KAT6A: variants seen among roughly 807,000 people sequenced by gnomAD.
KAT6A encodes the protein lysine acetyltransferase 6A, also known as histone acetyltransferase KAT6A.
In KAT6A, 9 loss-of-function variants were observed where a neutral mutation model predicts 198.4. That is an observed-to-expected ratio of 0.05 (90% CI 0.03 to 0.08). The LOEUF (loss-of-function observed/expected upper bound fraction) is 0.08. KAT6A is among the 10% of genes least tolerant of loss of function. The probability of loss-of-function intolerance (pLI) is 1.00; values close to 1 mark genes in which losing one functional copy is unlikely to be tolerated. For missense variants in KAT6A, 2,077 were observed against 2,509.9 expected, an observed-to-expected ratio of 0.83 and a Z score of 3.69; for synonymous variants, 890 against 883.0, an observed-to-expected ratio of 1.01 and a Z score of -0.14.
At chr8:42,017,936 T>C (rs1826352811) in intron 2 of KAT6A, among the ~76,000 whole-genome samples, 1 of 152,196 alleles carries the variant, frequency 6.6e-6, no homozygotes, top group African/African-American at 2.4e-5. Context: ...TCACCACTTA[T>C]TTATTGAATG....
intron 2 of KAT6A, among the ~76,000 whole-genome samples, chr8:42,008,636 C>T (rs1825861690): frequency 6.6e-6 from 1 of 152,070 alleles, no homozygotes; most frequent in South Asian, 2.1e-4. Flanking sequence ...TGAGACACTG[C>T]GCCTGGCCCC....
chr8:42,026,831 T>C (rs774160013), intron 2 of KAT6A, among the ~76,000 whole-genome samples: 2 of 152,200 alleles, frequency 1.3e-5, no homozygotes, highest in Admixed American at 6.5e-5. Context: ...GTGGGTAACC[T>C]TGCCTTATTC....
chr8:41,949,182 T>C (rs1385271664), intron 10 of KAT6A, 40 bp downstream of exon 10: 1 of 1,401,236 alleles, frequency 7.1e-7, no homozygotes, highest in Non-Finnish European at 9.4e-7. Flanking sequence ...GCCCTACTTA[T>C]GAAATGGATG....
intron 3 of KAT6A, among the ~76,000 whole-genome samples, chr8:41,984,134 T>C (rs1564041624): frequency 6.6e-6 from 1 of 152,246 alleles, no homozygotes; most frequent in African/African-American, 2.4e-5. Flanking sequence ...TCTTTGGCTA[T>C]TGTGACAGCC....
intron 15 of KAT6A, among the ~76,000 whole-genome samples, chr8:41,938,869 T>TCCCAGGAGGTGGAG (rs1821969044): frequency 6.8e-6 from 1 of 147,152 alleles, no homozygotes; most frequent in Admixed American, 7.0e-5. Flanking sequence ...GTTGCTTGCA[T>TCCCAGGAGGTGGAG]CCCAGGAGGT....
In KAT6A at chr8:41,941,152, T is replaced by C; in HGVS notation, c.2729A>G (p.Gln910Arg). The change falls in exon 15 of 17, where the codon CAG (glutamine) becomes CGG (arginine). Residue 910 changes from glutamine to arginine, a missense_variant. Around this residue, in one of 13 missense-constraint regions of KAT6A, gnomAD observed 301 missense variants for 272.2 expected, o/e 1.11. Coordinates refer to ENST00000265713, the MANE Select transcript of KAT6A (RefSeq NM_006766.5). Reference sequence around the variant, plus strand: ...TTCTTCACTTTCAGTGTATTGTTCCTGGGTGGCTTCTGATTTCTCCCCACA... The same window carrying C: ...TTCTTCACTTTCAGTGTATTGTTCCCGGGTGGCTTCTGATTTCTCCCCACA... The part of the protein sequence containing the change: ...GECGEKSEAT[Q>R]EQYTESEEQL... 2.5e-6 allele frequency: 4 copies of C among 1,614,256 alleles called. No homozygotes were observed. Among genetic ancestry groups the C allele is most frequent in the Non-Finnish European group, 3.4e-6 (4 of 1,180,054 alleles).
At chr8:41,982,892 T>C (rs1824428560) in intron 3 of KAT6A, among the ~76,000 whole-genome samples, 1 of 152,170 alleles carries the variant, frequency 6.6e-6, no homozygotes, top group African/African-American at 2.4e-5. Context: ...GGGAAAAACA[T>C]AGCACCATAT....
chr8:42,040,481 C>G (rs1464392888), intron 2 of KAT6A, among the ~76,000 whole-genome samples: 1 of 152,066 alleles, frequency 6.6e-6, no homozygotes, highest in Non-Finnish European at 1.5e-5. Context: ...CACCTGTAAT[C>G]CCAGCACTTT....
chr8:41,976,677 C>CAT (rs1824070494), intron 7 of KAT6A, among the ~76,000 whole-genome samples: 1 of 152,132 alleles, frequency 6.6e-6, no homozygotes, highest in Admixed American at 6.5e-5. Context: ...TAACATTCAC[C>CAT]ATATGATTTC....
chr8:41,958,050 C>T (rs1242592403), intron 8 of KAT6A: 2 of 152,148 alleles, frequency 1.3e-5, no homozygotes, highest in Non-Finnish European at 2.9e-5. Context: ...GGAGGTACCC[C>T]TTTATTATCA....
intron 2 of KAT6A, among the ~76,000 whole-genome samples, chr8:42,003,129 C>T (rs1367671565): frequency 2.0e-5 from 3 of 152,160 alleles, no homozygotes; most frequent in Non-Finnish European, 4.4e-5. Context: ...AAGACTAGAA[C>T]GTAAAGGTGA....
chr8:42,043,245 A>ACT (rs1827752970), intron 2 of KAT6A, among the ~76,000 whole-genome samples: 1 of 152,250 alleles, frequency 6.6e-6, no homozygotes, highest in African/African-American at 2.4e-5. Flanking sequence ...ATTACCTTAC[A>ACT]GTAATATCTA....
intron 5 of KAT6A, 77 bp from the exon 6 acceptor site, chr8:41,978,854 G>A: frequency 7.3e-7 from 1 of 1,369,140 alleles, no homozygotes; most frequent in Non-Finnish European, 1.0e-6. Context: ...TCTTAAGTCA[G>A]GATCTTAACT....
intron 8 of KAT6A, among the ~76,000 whole-genome samples, chr8:41,971,817 T>A (rs1448901068): frequency 6.6e-6 from 1 of 151,980 alleles, no homozygotes; most frequent in Non-Finnish European, 1.5e-5. Flanking sequence ...TGACAGTGGG[T>A]TGGCAGTAGC....
intron 2 of KAT6A, among the ~76,000 whole-genome samples, chr8:41,996,543 G>C (rs1006423817): frequency 6.6e-6 from 1 of 152,182 alleles, no homozygotes; most frequent in Non-Finnish European, 1.5e-5. Flanking sequence ...GTTGTTAAGA[G>C]GTGGGGGCTT....
intron 3 of KAT6A, among the ~76,000 whole-genome samples, chr8:41,986,748 C>T (rs926815049): frequency 2.0e-5 from 3 of 152,072 alleles, no homozygotes; most frequent in African/African-American, 7.2e-5. Flanking sequence ...CAAATACAGC[C>T]CACATATGGC....
At chr8:41,939,231 G>A (rs930697652) in intron 15 of KAT6A, among the ~76,000 whole-genome samples, 1 of 152,160 alleles carries the variant, frequency 6.6e-6, no homozygotes, top group African/African-American at 2.4e-5. Context: ...AATCTTAAGT[G>A]TGGCTATGCA....
At chr8:42,012,024 A>T (rs1054724228) in intron 2 of KAT6A, among the ~76,000 whole-genome samples, 2 of 152,212 alleles carry the variant, frequency 1.3e-5, no homozygotes, top group Non-Finnish European at 2.9e-5. Context: ...TCACACAACC[A>T]ATCGTTAGGG....
intron 8 of KAT6A, among the ~76,000 whole-genome samples, chr8:41,971,967 T>C (rs1323759038): frequency 6.6e-6 from 1 of 152,140 alleles, no homozygotes; most frequent in Non-Finnish European, 1.5e-5. Flanking sequence ...TTTACTCTTG[T>C]TCACCACTAA....
Sources: gnomAD v4.1 joint callset for allele counts (sites outside exome capture counted in the v4.1 genomes callset) on GRCh38, gnomAD v4.1.1 for gene constraint, gnomAD v4.1.1 regional missense constraint, MANE v1.5 for transcripts, NCBI Gene and HGNC (gene_info 2026-07-23, HGNC 2026-07-21) for gene names.